CUBN: variants seen among roughly 807,000 people sequenced by gnomAD.
The protein encoded by CUBN is 460 kDa receptor.
A neutral mutation model predicts 405.3 loss-of-function variants in CUBN; 282 were observed. The ratio of observed to expected loss-of-function variants is 0.70; its 90% CI spans 0.63 to 0.77. CUBN has a LOEUF of 0.77. CUBN is among the 30% of genes least tolerant of loss of function. The pLI is 0.00. For missense variants in CUBN, 4,514 were observed against 4,475.2 expected (o/e 1.01, Z -0.25); for synonymous variants, 1,684 against 1,617.0 (o/e 1.04, Z -0.99).
intron 22 of CUBN, among the ~76,000 whole-genome samples, chr10:17,061,684 G>T (rs187471158): frequency 6.6e-5 from 10 of 152,152 alleles, no homozygotes; most frequent in Non-Finnish European, 1.3e-4. Flanking sequence ...GCCCAGTAGG[G>T]CTCATCTCTA....
rs545811151 is a variant in CUBN, at chr10:17,111,020, T to A, written c.914A>T (p.Asp305Val). The change falls in exon 9 of 67, where the codon GAT (aspartate) becomes GTT (valine). Residue 305 changes from aspartate (D) to valine (V), a missense_variant. By Grantham distance (152) the Asp-to-Val change is radical. This residue lies in a region of CUBN where 1,448 missense variants were observed against 1,388.0 expected (regional missense o/e 1.04). Coordinates refer to ENST00000377833, the MANE Select transcript of CUBN (RefSeq NM_001081.4). ...GWQGNGYICE[D>V]INECEINNGG... The stretch of plus-strand genomic sequence containing the variant: ...GTTATTTATCTCACATTCATTGATA[T>A]CTTCGCAAATATATCCATTGCCTTG... 5 of 1,614,082 alleles carry A rather than the reference T, an allele frequency of 3.1e-6. No individual in the cohort carries two copies. Among genetic ancestry groups the A allele is most frequent in the Non-Finnish European group, 4.2e-6 (5 of 1,180,046 alleles).
intron 43 of CUBN, among the ~76,000 whole-genome samples, chr10:16,920,693 A>G (rs1373255979): frequency 6.6e-6 from 1 of 152,206 alleles, no homozygotes; most frequent in Non-Finnish European, 1.5e-5. Context: ...GGAGCTTTTT[A>G]ATATTTCTTT....
At chr10:17,022,998 A>G (rs938194736) in intron 27 of CUBN, among the ~76,000 whole-genome samples, 3 of 152,236 alleles carry the variant, frequency 2.0e-5, no homozygotes, top group Admixed American at 2.0e-4. Context: ...TTGCGGAATT[A>G]TATTTCAATC....
chr10:17,107,583 C>T (rs550092013), intron 10 of CUBN, among the ~76,000 whole-genome samples: 239 of 151,228 alleles, frequency 1.6e-3, no homozygotes, highest in Admixed American at 4.5e-3. Context: ...CTGTAAGCTC[C>T]GCCTCCCGGG....
intron 29 of CUBN, among the ~76,000 whole-genome samples, chr10:16,988,837 C>G (rs1198345959): frequency 1.3e-5 from 2 of 152,112 alleles, no homozygotes; most frequent in Non-Finnish European, 2.9e-5. Flanking sequence ...TCCATGTGGT[C>G]ATGGAAAAGC....
chr10:17,019,358 T>C (rs1249730128), intron 28 of CUBN, among the ~76,000 whole-genome samples: 1 of 152,076 alleles, frequency 6.6e-6, no homozygotes, highest in Non-Finnish European at 1.5e-5. Flanking sequence ...CAAATTCTCC[T>C]CCTCTCAGGC....
intron 59 of CUBN, among the ~76,000 whole-genome samples, 189 bp from the exon 60 acceptor site, chr10:16,851,632 C>T (rs895004242): frequency 1.1e-4 from 16 of 148,502 alleles, no homozygotes; most frequent in African/African-American, 3.3e-4. Context: ...TCCCCCCACC[C>T]GCCCCATCTC....
chr10:16,899,158 A>G lies in CUBN; in HGVS notation c.8436T>C (p.Asp2812=). The change falls in exon 54 of 67, where the codon GAT becomes GAC. Residue 2812 remains aspartate (D), a synonymous_variant. Transcript: ENST00000377833. ...AGTGAGGGGATCTGATTGTACCATT[A>G]TCAGAATGAAATATTCCACCACAAC... The part of the protein sequence containing the change: ...TLGCGGIFHS[D]NGTIRSPHWP... 1 of 1,614,056 alleles carries G rather than the reference A, an allele frequency of 6.2e-7. No homozygotes were observed. The highest frequency in any genetic ancestry group is 8.5e-7 in the Non-Finnish European group (1 of 1,179,896).
At chr10:16,827,634 C>T (rs1281546266) in intron 66 of CUBN, among the ~76,000 whole-genome samples, 3 of 152,218 alleles carry the variant, frequency 2.0e-5, no homozygotes, top group Admixed American at 6.5e-5. Flanking sequence ...TGGAGTCTGG[C>T]TCTGTCGCCC....
intron 36 of CUBN, among the ~76,000 whole-genome samples, chr10:16,943,900 C>T (rs1023162606): frequency 6.6e-6 from 1 of 152,110 alleles, no homozygotes; most frequent in Admixed American, 6.5e-5. Flanking sequence ...TGGTGGTAGG[C>T]AAATACCTAG....
chr10:16,883,589 A>G (rs2796833), intron 56 of CUBN, among the ~76,000 whole-genome samples: 108,178 of 152,180 alleles, frequency 0.71, 38,829 homozygotes, highest in East Asian at 0.84. Flanking sequence ...TTGATGGGGA[A>G]AAAAATGTCA....
At chr10:16,989,105 C>T (rs1015421769) in intron 29 of CUBN, among the ~76,000 whole-genome samples, 1 of 152,066 alleles carries the variant, frequency 6.6e-6, no homozygotes, top group African/African-American at 2.4e-5. Flanking sequence ...ACAAAGCAAA[C>T]AAACATCTAG....
intron 28 of CUBN, among the ~76,000 whole-genome samples, chr10:17,005,523 C>G (rs1169368317): frequency 6.6e-6 from 1 of 152,292 alleles, no homozygotes; most frequent in Non-Finnish European, 1.5e-5. Context: ...GCCCTCACAC[C>G]TTGCTGCTTC....
chr10:17,064,762 C>T (rs1461980626), intron 22 of CUBN, among the ~76,000 whole-genome samples: 1 of 152,006 alleles, frequency 6.6e-6, no homozygotes, highest in Non-Finnish European at 1.5e-5. Context: ...ACTGTGCCTG[C>T]AAAAGGGATT....
chr10:17,103,371 C>T (rs1836543350), intron 12 of CUBN, 134 bp from the exon 13 acceptor site: 1 of 686,954 alleles, frequency 1.5e-6, no homozygotes. Context: ...CTGCCATTCC[C>T]TCTCCTCTGT....
chr10:16,945,353 C>G (rs1842747211), intron 36 of CUBN, among the ~76,000 whole-genome samples: 1 of 152,160 alleles, frequency 6.6e-6, no homozygotes, highest in Admixed American at 6.5e-5. Context: ...CAACTACATG[C>G]CTAGCACATA....
At chr10:17,052,270 C>A (rs986312909) in intron 22 of CUBN, among the ~76,000 whole-genome samples, 1 of 152,064 alleles carries the variant, frequency 6.6e-6, no homozygotes, top group Non-Finnish European at 1.5e-5. Flanking sequence ...AAGACTTGTA[C>A]TGTATGAAAT....
rs533693549 is a variant in CUBN, at chr10:17,129,501, C to T, written c.122+143G>A. On this transcript the variant is annotated intron_variant, in intron 1 of 66. Coordinates refer to ENST00000377833, the MANE Select transcript of CUBN (RefSeq NM_001081.4). ...TGTGCATAGGAAAGTAATTTCATACCTCAGTCTAAATGTTTTTCCCTGTTT... is the reference window on the plus strand; with the variant it reads ...TGTGCATAGGAAAGTAATTTCATACTTCAGTCTAAATGTTTTTCCCTGTTT... 1.8e-4 allele frequency: 205 copies of T among 1,132,348 alleles called. 1 individual carries two copies. In the South Asian group the frequency reaches 2.5e-3, roughly 14 times the overall value. The allele number at this position is 1,132,348 out of a possible 1,614,324, so 70.1% of individuals were successfully genotyped here. A position where few individuals can be genotyped will look rare whatever the true frequency, so the allele number is the denominator to read the frequency against.
At chr10:17,060,309 C>G (rs1279039406) in intron 22 of CUBN, among the ~76,000 whole-genome samples, 1 of 151,786 alleles carries the variant, frequency 6.6e-6, no homozygotes, top group African/African-American at 2.4e-5. Flanking sequence ...TTAGTAGAAA[C>G]TGGGTTTCTC....
Sources: gnomAD v4.1 joint callset for allele counts (sites outside exome capture counted in the v4.1 genomes callset) on GRCh38, gnomAD v4.1.1 for gene constraint, gnomAD v4.1.1 regional missense constraint, MANE v1.5 for transcripts, NCBI Gene and HGNC (gene_info 2026-07-23, HGNC 2026-07-21) for gene names.